Variants in SHROOM4 observed in about 807,000 individuals in gnomAD.
SHROOM4 encodes shroom family member 4, also known as protein Shroom4.
A neutral mutation model predicts 80.3 loss-of-function variants in SHROOM4; 17 were observed. That is an observed-to-expected ratio of 0.21 (90% CI 0.14 to 0.32). SHROOM4 has a LOEUF of 0.32. Ranked by LOEUF, SHROOM4 falls within the 10% of genes least tolerant of loss-of-function variation. SHROOM4 has a pLI of 1.00. For missense variants in SHROOM4, 993 were observed against 1,140.3 expected (o/e 0.87, Z 1.86); for synonymous variants, 400 against 437.5 (o/e 0.91, Z 1.07).
chrX:50,638,894 A>C (rs1027670308), intron 2 of SHROOM4, among the ~76,000 whole-genome samples: 1 of 112,880 alleles, frequency 8.9e-6, no homozygotes, highest in Middle Eastern at 4.6e-3. Context: ...TGGTTCAAAC[A>C]AAGCATGGGA....
intron 4 of SHROOM4, among the ~76,000 whole-genome samples, chrX:50,632,507 A>G: frequency 8.9e-6 from 1 of 111,890 alleles, no homozygotes; most frequent in South Asian, 3.7e-4. Flanking sequence ...TTATGGTAAT[A>G]GGTCATAACC....
chrX:50,795,026 T>C lies in SHROOM4; in HGVS notation c.117+18876A>G, dbSNP rs781972054. On this transcript the variant is annotated intron_variant, in intron 1 of 8. Coordinates refer to ENST00000376020, the MANE Select transcript of SHROOM4 (RefSeq NM_020717.5). ...ACATCTTTATATATATCTTTATATA[T>C]ATCATATATATCTCATATATATATG... Among the ~76,000 whole-genome samples, 80 of 25,990 alleles carry C rather than the reference T, an allele frequency of 3.1e-3. 1 individual carries two copies. Among genetic ancestry groups the C allele is most frequent in the African/African-American group, 6.1e-3 (75 of 12,334 alleles). The allele number at this position is 25,990 out of a possible 115,157, so 22.6% of individuals were successfully genotyped here.
At chrX:50,638,049 C>T in intron 3 of SHROOM4, 125 bp downstream of exon 3, 2 of 873,829 alleles carry the variant, frequency 2.3e-6, no homozygotes, top group South Asian at 4.6e-5. Flanking sequence ...GTACTCTGGA[C>T]TCCCACTTGC....
intron 2 of SHROOM4, chrX:50,687,282 T>A (rs1255855260): frequency 9.3e-6 from 1 of 107,734 alleles, no homozygotes; most frequent in African/African-American, 3.5e-5. Flanking sequence ...TTTTTTTTTT[T>A]TAAAAACAGC....
intron 1 of SHROOM4, among the ~76,000 whole-genome samples, chrX:50,725,303 C>A (rs1356870058): frequency 2.7e-5 from 3 of 112,066 alleles, no homozygotes. Context: ...CTCTTTCCCC[C>A]ACCTCGCTCC....
chrX:50,625,558 T>G (rs368708089), intron 5 of SHROOM4, among the ~76,000 whole-genome samples: 1 of 111,629 alleles, frequency 9.0e-6, no homozygotes, highest in East Asian at 2.8e-4. Flanking sequence ...CTTCTATTTT[T>G]AATTTCCTGT....
In SHROOM4 at chrX:50,767,769, C is replaced by T. The variant is rs142277047; in HGVS notation, c.117+46133G>A. On this transcript the variant is annotated intron_variant, in intron 1 of 8. Transcript: ENST00000376020. ...GAACGCTATGTATTGAGCAAAACTCCTCTAGTCCATAATAGAAATATTTTC... is the reference window on the plus strand; with the variant it reads ...GAACGCTATGTATTGAGCAAAACTCTTCTAGTCCATAATAGAAATATTTTC... Among the ~76,000 whole-genome samples the T allele has an allele frequency of 2.2e-3, 246 of 110,619 alleles. 1 individual carries two copies. Among genetic ancestry groups the T allele is most frequent in the African/African-American group, 7.5e-3 (224 of 29,691 alleles).
chrX:50,719,932 T>A (rs1934064866), intron 1 of SHROOM4, among the ~76,000 whole-genome samples: 1 of 112,367 alleles, frequency 8.9e-6, no homozygotes, highest in Non-Finnish European at 1.9e-5. Flanking sequence ...AAAATAAATA[T>A]TGCTCTGGTT....
intron 1 of SHROOM4, among the ~76,000 whole-genome samples, chrX:50,784,108 G>A (rs1165416168): frequency 8.9e-6 from 1 of 111,774 alleles, no homozygotes; most frequent in African/African-American, 3.3e-5. Context: ...AGGTACCAAA[G>A]CAATTAAGTA....
At chrX:50,697,514 T>C (rs1557263153) in intron 1 of SHROOM4, among the ~76,000 whole-genome samples, 1 of 112,301 alleles carries the variant, frequency 8.9e-6, no homozygotes, top group Non-Finnish European at 1.9e-5. Flanking sequence ...TTAAACTCCA[T>C]CGAATTAATT....
intron 1 of SHROOM4, among the ~76,000 whole-genome samples, chrX:50,727,241 A>G (rs1452885265): frequency 1.8e-5 from 2 of 112,817 alleles, no homozygotes; most frequent in African/African-American, 6.4e-5. Flanking sequence ...TCTTAAGAGT[A>G]ACTAGCTTGT....
chrX:50,696,939 C>T (rs1557263107), intron 1 of SHROOM4, among the ~76,000 whole-genome samples: 1 of 112,124 alleles, frequency 8.9e-6, no homozygotes, highest in East Asian at 2.8e-4. Context: ...ATTTTTATTA[C>T]ATTCCTTTTA....
intron 2 of SHROOM4, among the ~76,000 whole-genome samples, chrX:50,661,153 G>T (rs1207685550): frequency 1.8e-5 from 2 of 110,731 alleles, no homozygotes; most frequent in African/African-American, 6.6e-5. Context: ...TTCAACTTTC[G>T]TGTTGTCAGA....
At chrX:50,756,774 C>A (rs1372813394) in intron 1 of SHROOM4, among the ~76,000 whole-genome samples, 3 of 111,396 alleles carry the variant, frequency 2.7e-5, no homozygotes, top group Non-Finnish European at 5.7e-5. Context: ...TGTTTATTTG[C>A]CATTTATATA....
chrX:50,664,648 C>G (rs1422268144), intron 2 of SHROOM4, among the ~76,000 whole-genome samples: 2 of 111,827 alleles, frequency 1.8e-5, no homozygotes, highest in African/African-American at 6.5e-5. Context: ...ATATAATCGA[C>G]TCTCAAATAT....
rs1557254865 is a variant in SHROOM4, at chrX:50,633,742, A to G, written c.2331T>C (p.Phe777=). 8.3e-7 allele frequency: 1 copy of G among 1,212,078 alleles called. No individual in the cohort carries two copies. The highest frequency in any genetic ancestry group is 2.2e-5 in the Admixed American group (1 of 46,096). Residue 777 remains phenylalanine, a synonymous_variant, in exon 4 of 9, where the codon TTT becomes TTC. Transcript: ENST00000376020. ...LLPFADRRKF[F]EESSKSLSTS... Reference sequence around the variant, plus strand: ...TAGATAAGGATTTGCTACTCTCTTCAAAGAACTTTCTTCTGTCTGCAAAAG... The same window carrying G: ...TAGATAAGGATTTGCTACTCTCTTCGAAGAACTTTCTTCTGTCTGCAAAAG...
intron 2 of SHROOM4, among the ~76,000 whole-genome samples, chrX:50,685,442 G>A: frequency 8.9e-6 from 1 of 112,035 alleles, no homozygotes; most frequent in East Asian, 2.8e-4. Flanking sequence ...GGAGAGAGGT[G>A]AAACCTTTGG....
Position 50,634,938 on chromosome X carries a change from C to G in SHROOM4, c.1135G>C (p.Val379Leu). 1 of 1,210,896 alleles carries G rather than the reference C, an allele frequency of 8.3e-7. No homozygotes were observed. The highest frequency in any genetic ancestry group is 1.1e-6 in the Non-Finnish European group (1 of 895,048). The change falls in exon 4 of 9, where the codon GTG (valine) becomes CTG (leucine). Residue 379 changes from valine (V) to leucine (L), a missense_variant. Coordinates refer to ENST00000376020, the MANE Select transcript of SHROOM4 (RefSeq NM_020717.5). The stretch of plus-strand genomic sequence containing the variant: ...GCCTCATTGAGTGGGTTGGAATCCA[C>G]GCTGGAAGCTCTGTCACAGGCTTTT... ...SPKACDRASS[V>L]DSNPLNEASA... is the part of the protein sequence containing the mutation.
intron 1 of SHROOM4, among the ~76,000 whole-genome samples, chrX:50,712,139 A>T (rs1248997709): frequency 1.8e-5 from 2 of 112,256 alleles, no homozygotes; most frequent in Admixed American, 1.9e-4. Context: ...TGGGATCTGT[A>T]GGGGATCTCA....
Sources: gnomAD v4.1 joint callset for allele counts (sites outside exome capture counted in the v4.1 genomes callset) on GRCh38, gnomAD v4.1.1 for gene constraint, MANE v1.5 for transcripts, NCBI Gene and HGNC (gene_info 2026-07-23, HGNC 2026-07-21) for gene names.